The following RNF38 variants were observed in gnomAD, a reference collection of about 807,000 sequenced individuals.
The protein encoded by RNF38 is E3 ubiquitin-protein ligase RNF38.
RNF38 carries 15 observed loss-of-function variants against 67.2 expected under a neutral mutation model. The observed-to-expected ratio is 0.22, with a 90% CI of 0.15 to 0.34. The LOEUF (loss-of-function observed/expected upper bound fraction) is 0.34. Ranked by LOEUF, RNF38 falls within the 10% of genes least tolerant of loss-of-function variation. The probability of loss-of-function intolerance (pLI) is 1.00; values close to 1 mark genes in which losing one functional copy is unlikely to be tolerated. For synonymous variants in RNF38, 220 were observed against 218.8 expected, an observed-to-expected ratio of 1.01 and a Z score of -0.05; for missense variants, 524 against 639.9, an observed-to-expected ratio of 0.82 and a Z score of 1.95.
chr9:36,394,278 A>AAAAAG (rs1190115175), intron 1 of RNF38, among the ~76,000 whole-genome samples: 145 of 152,278 alleles, frequency 9.5e-4, no homozygotes, highest in African/African-American at 3.3e-3. Flanking sequence ...TCTCAAAAAA[A>AAAAAG]AAAAGAAAAG....
At chr9:36,341,039 GAACAGTGGCCAGAAATCCTTCTAT>G (rs1372502973) in intron 11 of RNF38, among the ~76,000 whole-genome samples, 1 of 151,844 alleles carries the variant, frequency 6.6e-6, no homozygotes, top group Non-Finnish European at 1.5e-5. Context: ...TCTTTTATTA[GAACAGTGGCCAGAAATCCTTCTAT>G]AAAACAGTCT....
At chr9:36,401,367 G>C (rs1373904100), upstream of RNF38, among the ~76,000 whole-genome samples, 1 of 150,154 alleles carries the variant, frequency 6.7e-6, no homozygotes, top group Non-Finnish European at 1.5e-5. Context: ...TTTTCTCTTA[G>C]TAAATTGTTG....
rs77263346 is a variant in RNF38 at position 36,447,286 on chromosome 9, C to T, written n.242-22603G>A. ...TGCATACACCTATCACAATACATCA[C>T]ACTGTTTTGCTTCTCCTTCTAGACC... is the stretch of plus-strand genomic sequence containing the variant. On this transcript the variant is annotated intron_variant and non_coding_transcript_variant, in intron 1 of 3. Transcript: ENST00000488058. Among the ~76,000 whole-genome samples the T allele has an allele frequency of 7.0e-3, 1,060 of 152,226 alleles. 14 individuals are homozygous for T. The highest frequency in any genetic ancestry group is 0.024 in the African/African-American group (993 of 41,526).
At position 36,411,118 on chromosome 9, in the gene RNF38, G is replaced by T. The variant is rs56805763; in HGVS notation, n.312+13495C>A. Among the ~76,000 whole-genome samples the T allele has an allele frequency of 2.5e-3, 367 of 149,038 alleles. 1 individual carries two copies. The highest frequency in any genetic ancestry group is 8.7e-3 in the African/African-American group (353 of 40,472). On this transcript the variant is annotated intron_variant and non_coding_transcript_variant, in intron 2 of 3. Coordinates refer to the RNF38 transcript ENST00000488058. ...TACATGTAAATCATGTCTAGTAAGG[G>T]GTTAATATCCAGAATATATAACTCC...
intron 2 of RNF38, among the ~76,000 whole-genome samples, chr9:36,379,534 A>G (rs1311868779): frequency 1.3e-5 from 2 of 152,244 alleles, no homozygotes; most frequent in East Asian, 3.9e-4. Context: ...TTTGTCAGAT[A>G]TATCAAGACC....
intron 11 of RNF38, among the ~76,000 whole-genome samples, chr9:36,340,680 A>G (rs143968015): frequency 2.3e-4 from 35 of 152,300 alleles, no homozygotes; most frequent in African/African-American, 8.2e-4. Flanking sequence ...CCCCTTGGCT[A>G]TTCTTAATGG....
At chr9:36,482,037 G>C (rs953366555) in intron 1 of RNF38, among the ~76,000 whole-genome samples, 2 of 148,550 alleles carry the variant, frequency 1.3e-5, no homozygotes, top group African/African-American at 4.9e-5. Context: ...CCATTTACCA[G>C]ATACTTTTGT....
intron 1 of RNF38, among the ~76,000 whole-genome samples, chr9:36,484,559 TTAAG>T (rs1840356233): frequency 6.6e-6 from 1 of 152,350 alleles, no homozygotes; most frequent in South Asian, 2.1e-4. Context: ...CAGATTTTTT[TTAAG>T]TAATAGGACA....
intron 1 of RNF38, among the ~76,000 whole-genome samples, chr9:36,461,412 G>A (rs75800123): frequency 3.7e-4 from 57 of 152,302 alleles, no homozygotes; most frequent in African/African-American, 1.4e-3. Context: ...GGATGAGAAG[G>A]AGCTGAGTAC....
intron 4 of RNF38, among the ~76,000 whole-genome samples, chr9:36,359,127 C>T (rs946024098): frequency 6.6e-6 from 1 of 152,054 alleles, no homozygotes; most frequent in Admixed American, 6.5e-5. Flanking sequence ...CTGGCCCCAT[C>T]GATCCTCTAG....
At chr9:36,421,818 A>G (rs1838635461) in intron 2 of RNF38, among the ~76,000 whole-genome samples, 1 of 152,158 alleles carries the variant, frequency 6.6e-6, no homozygotes, top group African/African-American at 2.4e-5. Flanking sequence ...GTTTTTGCAA[A>G]ACCAATACCC....
At chr9:36,355,397 A>T (rs1040448963) in intron 6 of RNF38, among the ~76,000 whole-genome samples, 2 of 152,140 alleles carry the variant, frequency 1.3e-5, no homozygotes, top group African/African-American at 2.4e-5. Context: ...TAGTACTTAT[A>T]TCTCCCAGTG....
At chr9:36,487,156 G>A (rs749940868) in intron 1 of RNF38, among the ~76,000 whole-genome samples, 160 of 152,258 alleles carry the variant, frequency 1.1e-3, no homozygotes, top group Non-Finnish European at 1.9e-3. Context: ...CTGAGGCGCA[G>A]GGCTCGCAGG....
In RNF38 at chr9:36,478,514, T is replaced by TAA. The variant is rs751454586; in HGVS notation, n.241+8792_241+8793dup. Among the ~76,000 whole-genome samples the TAA allele has an allele frequency of 3.0e-3, 376 of 125,694 alleles. 2 individuals carry two copies. Among genetic ancestry groups the TAA allele is most frequent in the African/African-American group, 9.9e-3 (339 of 34,298 alleles). The allele number at this position is 125,694 out of a possible 152,430, so 82.5% of individuals were successfully genotyped here. On this transcript the variant is annotated intron_variant and non_coding_transcript_variant, in intron 1 of 3. Transcript: ENST00000488058. ...ATCACTTCGCAAAAATGTAAGTATT[T>TAA]AAAAAAAAAAAAAAAAAGATTGGCC...
At position 36,376,145 on chromosome 9, in the gene RNF38, TG is replaced by T. The variant is rs772459823; in HGVS notation, c.163-19del. The T allele has an allele frequency of 2.6e-6, 4 of 1,530,996 alleles. No homozygotes were observed. The highest frequency in any genetic ancestry group is 2.6e-6 in the Non-Finnish European group (3 of 1,141,338). The allele number at this position is 1,530,996 out of a possible 1,614,324, so 94.8% of individuals were successfully genotyped here. A position where few individuals can be genotyped will look rare whatever the true frequency, so the allele number is the denominator to read the frequency against. ...TCTTCACTCTGCCAATGCAACAAAATGGATCAACTGAGTAAGATCTTTTAAA... is the reference window on the plus strand; with the variant it reads ...TCTTCACTCTGCCAATGCAACAAAATGATCAACTGAGTAAGATCTTTTAAA... On this transcript the variant is annotated intron_variant, in intron 2 of 11. Coordinates refer to ENST00000259605, the MANE Select transcript of RNF38 (RefSeq NM_022781.5).
intron 2 of RNF38, among the ~76,000 whole-genome samples, chr9:36,415,955 C>A (rs998253115): frequency 1.3e-5 from 2 of 151,832 alleles, no homozygotes; most frequent in African/African-American, 4.8e-5. Context: ...CAGAAGGTGG[C>A]GCTTTCAATA....
At chr9:36,467,539 A>G (rs1320040161) in intron 1 of RNF38, among the ~76,000 whole-genome samples, 3 of 152,168 alleles carry the variant, frequency 2.0e-5, no homozygotes, top group African/African-American at 7.2e-5. Context: ...AGGTCAGATT[A>G]TGATTCTGCT....
chr9:36,400,888 G>GGCCACGCCCCTCCCC (rs1837976115), upstream of RNF38: 1 of 953,742 alleles, frequency 1.0e-6, no homozygotes, highest in Admixed American at 7.8e-5. Flanking sequence ...GGCCCGGCCC[G>GGCCACGCCCCTCCCC]GCCACGCCCC....
At chr9:36,411,674 G>T (rs1440560658) in intron 2 of RNF38, among the ~76,000 whole-genome samples, 1 of 151,854 alleles carries the variant, frequency 6.6e-6, no homozygotes, top group Non-Finnish European at 1.5e-5. Flanking sequence ...TGATCCTCCT[G>T]CCTCAGCCTC....
Sources: allele counts gnomAD v4.1 joint callset (sites outside exome capture counted in the v4.1 genomes callset), GRCh38; gene constraint gnomAD v4.1.1; transcripts MANE v1.5; gene names NCBI Gene and HGNC (gene_info 2026-07-23, HGNC 2026-07-21).